ZNF595: variants seen among roughly 807,000 people sequenced by gnomAD.
ZNF595 encodes zinc finger protein 595.
In ZNF595, 9 loss-of-function variants were observed where a neutral mutation model predicts 19.4. The observed-to-expected ratio is 0.46, with a 90% CI of 0.28 to 0.81. ZNF595 has a LOEUF of 0.81. Ranked by LOEUF, ZNF595 falls within the 30% of genes least tolerant of loss-of-function variation. The pLI is 0.11. For missense variants in ZNF595, 729 were observed against 736.0 expected (o/e 0.99, Z 0.11); for synonymous variants, 255 against 255.9 (o/e 1.00, Z 0.03).
chr4:86,421 A>G lies in ZNF595; in HGVS notation c.917A>G (p.His306Arg), dbSNP rs1432776478. The change falls in exon 4 of 4, where the codon CAT becomes CGT. Residue 306 changes from histidine (H) to arginine (R), a missense_variant. Around this residue, in one of 2 missense-constraint regions of ZNF595, gnomAD observed 729 missense variants for 675.3 expected, o/e 1.08. Coordinates refer to ENST00000610261, the MANE Select transcript of ZNF595 (RefSeq NM_182524.4). ...STSLNEHKNI[H>R]TGEKPYKCKE... is the part of the protein sequence containing the mutation. ...AGCCTGAATGAACATAAGAATATTC[A>G]TACTGGAGAGAAACCCTACAAATGT... 1.2e-6 allele frequency: 2 copies of G among 1,614,132 alleles called. No homozygotes were observed. Among genetic ancestry groups the G allele is most frequent in the Admixed American group, 1.7e-5 (1 of 60,026 alleles).
At position 88,189 on chromosome 4, in the gene ZNF595, C is replaced by G. The variant is rs1030405088; in HGVS notation, c.*738C>G. 6.6e-6 allele frequency: 1 copy of G among 152,014 alleles called. No homozygotes were observed. Among genetic ancestry groups the G allele is most frequent in the Non-Finnish European group, 1.5e-5 (1 of 68,004 alleles). The allele number at this position is 152,014 out of a possible 1,614,324, so 9.4% of individuals were successfully genotyped here. A position where few individuals can be genotyped will look rare whatever the true frequency, so the allele number is the denominator to read the frequency against. The stretch of plus-strand genomic sequence containing the variant: ...TAGCATCTCTTTCCGCAAATAAATG[C>G]AGACTTTGGTTTTGATTTACATGGA... On this transcript the variant is annotated 3_prime_UTR_variant, in exon 4 of 4. Coordinates refer to ENST00000610261, the MANE Select transcript of ZNF595 (RefSeq NM_182524.4).
At position 87,544 on chromosome 4, in the gene ZNF595, AT is replaced by A; in HGVS notation, c.*97del. ...CATATAAACTTGTATTATTTTTCTT[AT>A]TTTAAATTTTTTAAAATTTCTGTAG... On this transcript the variant is annotated 3_prime_UTR_variant, in exon 4 of 4. Transcript: ENST00000610261. The A allele has an allele frequency of 8.0e-7, 1 of 1,254,300 alleles. No individual in the cohort carries two copies. The highest frequency in any genetic ancestry group is 1.1e-6 in the Non-Finnish European group (1 of 951,106). The allele number at this position is 1,254,300 out of a possible 1,614,324, so 77.7% of individuals were successfully genotyped here.
At chr4:85,644 T>C (rs1204937025) in intron 3 of ZNF595, 87 bp from the exon 4 acceptor site, 13 of 1,397,004 alleles carry the variant, frequency 9.3e-6, no homozygotes, top group African/African-American at 1.4e-5. Context: ...ACTAATGCAG[T>C]TTGTATACAT....
At chr4:69,600 C>T (rs1360098140) in intron 3 of ZNF595, among the ~76,000 whole-genome samples, 2 of 152,032 alleles carry the variant, frequency 1.3e-5, no homozygotes, top group South Asian at 2.1e-4. Flanking sequence ...TTGATCTTAT[C>T]CTATAGAGCT....
chr4:61,223 G>A (rs1459919009), intron 3 of ZNF595, among the ~76,000 whole-genome samples: 1 of 152,022 alleles, frequency 6.6e-6, no homozygotes, highest in Non-Finnish European at 1.5e-5. Context: ...GCGTGACCTC[G>A]GCTCACTGCA....
intron 3 of ZNF595, among the ~76,000 whole-genome samples, chr4:72,202 T>A (rs1553797978): frequency 6.6e-6 from 1 of 152,208 alleles, no homozygotes; most frequent in East Asian, 1.9e-4. Context: ...GGCATACAAA[T>A]GTGAATTTTA....
chr4:73,084 G>A (rs1553798106), intron 3 of ZNF595, among the ~76,000 whole-genome samples: 1 of 152,130 alleles, frequency 6.6e-6, no homozygotes, highest in African/African-American at 2.4e-5. Context: ...TACTGTCATG[G>A]GGCTCTTCCT....
intron 3 of ZNF595, among the ~76,000 whole-genome samples, chr4:74,272 T>C (rs1369837341): frequency 6.6e-6 from 1 of 152,198 alleles, no homozygotes; most frequent in East Asian, 1.9e-4. Context: ...TCCTGGAGAA[T>C]GTTCCATGTG....
At chr4:66,426 CTT>C (rs1713112574) in intron 3 of ZNF595, among the ~76,000 whole-genome samples, 1 of 151,522 alleles carries the variant, frequency 6.6e-6, no homozygotes, top group East Asian at 2.0e-4. Context: ...CTTACTAAAA[CTT>C]TAATGTGGAG....
At chr4:57,329 T>G (rs1294805603) in intron 1 of ZNF595, among the ~76,000 whole-genome samples, 2 of 152,424 alleles carry the variant, frequency 1.3e-5, no homozygotes, top group East Asian at 3.9e-4. Flanking sequence ...CTTTTTTCCT[T>G]CGCCTACCTC....
chr4:69,950 G>C (rs1713358146), intron 3 of ZNF595, among the ~76,000 whole-genome samples: 1 of 152,162 alleles, frequency 6.6e-6, no homozygotes, highest in South Asian at 2.1e-4. Flanking sequence ...GATGAATAAA[G>C]TACACTGATA....
Position 87,784 on chromosome 4 carries a change from G to A in ZNF595, c.*333G>A, listed in dbSNP as rs553134645. ...CGCCCAGGCTGGAGCGCAGTGGTGCGATCTTGGCTCACTGCAACCTCCACC... is the reference window on the plus strand; with the variant it reads ...CGCCCAGGCTGGAGCGCAGTGGTGCAATCTTGGCTCACTGCAACCTCCACC... On this transcript the variant is annotated 3_prime_UTR_variant, in exon 4 of 4. Transcript: ENST00000610261. 532 of 153,548 alleles carry A rather than the reference G, an allele frequency of 3.5e-3. 1 individual carries two copies. The highest frequency in any genetic ancestry group is 0.01 in the Middle Eastern group (3 of 300). 9.5% of individuals were successfully genotyped at this position (153,548 alleles called of 1,614,324 possible).
At chr4:63,184 A>G (rs1198404397) in intron 3 of ZNF595, among the ~76,000 whole-genome samples, 1 of 144,218 alleles carries the variant, frequency 6.9e-6, no homozygotes, top group Non-Finnish European at 1.5e-5. Context: ...ATCTGTTTTT[A>G]TGAATATACT....
At chr4:69,959 T>TA (rs1553797641) in intron 3 of ZNF595, among the ~76,000 whole-genome samples, 1 of 152,178 alleles carries the variant, frequency 6.6e-6, no homozygotes, top group Non-Finnish European at 1.5e-5. Context: ...AGTACACTGA[T>TA]ACACAGATAT....
intron 3 of ZNF595, among the ~76,000 whole-genome samples, chr4:70,618 G>C (rs782160861): frequency 1.2e-4 from 19 of 152,200 alleles, no homozygotes; most frequent in Non-Finnish European, 2.6e-4. Flanking sequence ...GATTAGGCAT[G>C]AGTCAGCATG....
intron 3 of ZNF595, among the ~76,000 whole-genome samples, chr4:74,202 G>T (rs1468166113): frequency 6.6e-6 from 1 of 152,120 alleles, no homozygotes; most frequent in Non-Finnish European, 1.5e-5. Context: ...CCCAGCTGGG[G>T]CTGAGGCAAG....
At chr4:63,294 G>C (rs1196913847) in intron 3 of ZNF595, among the ~76,000 whole-genome samples, 1 of 142,686 alleles carries the variant, frequency 7.0e-6, no homozygotes, top group Non-Finnish European at 1.5e-5. Flanking sequence ...GTTATTTTAA[G>C]TTATTTAAGA....
Position 62,022 on chromosome 4 carries a change from C to G in ZNF595, c.226+1869C>G, listed in dbSNP as rs1276343343. On this transcript the variant is annotated intron_variant, in intron 3 of 3. Transcript: ENST00000610261. ...TAGATAACCATTTTTTTTTTTGTCA[C>G]AAGAACACTTGAGGTCTACTGTTGT... 8.4e-5 allele frequency among the ~76,000 whole-genome samples: 11 copies of G among 130,242 alleles called. 1 individual carries two copies. Among genetic ancestry groups the G allele is most frequent in the African/African-American group, 2.4e-4 (8 of 33,268 alleles). 85.4% of individuals were successfully genotyped at this position (130,242 alleles called of 152,430 possible). A position where few individuals can be genotyped will look rare whatever the true frequency, so the allele number is the denominator to read the frequency against.
Position 86,090 on chromosome 4 carries a change from G to A in ZNF595, c.586G>A (p.Gly196Arg), listed in dbSNP as rs1553801195. 4.3e-6 allele frequency: 7 copies of A among 1,613,432 alleles called. No homozygotes were observed. The highest frequency in any genetic ancestry group is 3.3e-5 in the Admixed American group (2 of 59,920). ...AACTCAACATACAGGAATTCATGCT[G>A]GAGAGAAACCCTACAAATGTGAAAA... ...HLTQHTGIHA[G>R]EKPYKCEKCG... is the part of the protein sequence containing the mutation. Residue 196 changes from glycine to arginine, a missense_variant, in exon 4 of 4, where the codon GGA (glycine) becomes AGA (arginine). Gly to Arg is a moderately radical substitution (Grantham distance 125). Transcript: ENST00000610261.
Sources: allele counts gnomAD v4.1 joint callset (sites outside exome capture counted in the v4.1 genomes callset), GRCh38; gene constraint gnomAD v4.1.1; regional missense constraint gnomAD v4.1.1; transcripts MANE v1.5; gene names NCBI Gene and HGNC (gene_info 2026-07-23, HGNC 2026-07-21).